The following TLCD3A variants were observed in gnomAD, a reference collection of about 807,000 sequenced individuals.
TLCD3A encodes the protein TLC domain containing 3A, also known as TLC domain-containing protein 3A.
In TLCD3A, 17 loss-of-function variants were observed where a neutral mutation model predicts 29.9. The observed-to-expected ratio is 0.57, with a 90% CI of 0.39 to 0.85. TLCD3A has a LOEUF of 0.85. TLCD3A is among the 40% of genes least tolerant of loss of function. The pLI, the probability that TLCD3A is intolerant of heterozygous loss-of-function variation, is 0.00. For missense variants in TLCD3A, 332 were observed against 350.8 expected (o/e 0.95, Z 0.43); for synonymous variants, 143 against 147.7 (o/e 0.97, Z 0.23).
rs933152320 is a variant in TLCD3A at position 741,553 on chromosome 17, G to C, written c.757G>C (p.Ala253Pro). 10 of 1,613,178 alleles carry C rather than the reference G, an allele frequency of 6.2e-6. No individual in the cohort carries two copies. Among genetic ancestry groups the C allele is most frequent in the Non-Finnish European group, 6.8e-6 (8 of 1,180,022 alleles). The part of the protein sequence containing the change: ...KAVRLFDTPQ[A>P]KKDG ...AGTCCGGCTCTTTGACACTCCCCAA[G>C]CCAAAAAGGATGGCTAAATGCTCCT... The change falls in exon 5 of 5, where the codon GCC becomes CCC. Residue 253 changes from alanine to proline, a missense_variant. Coordinates refer to ENST00000308278, the MANE Select transcript of TLCD3A (RefSeq NM_024792.3).
chr17:732,630 G>A lies in TLCD3A; in HGVS notation c.-18G>A. On this transcript the variant is annotated 5_prime_UTR_variant, in exon 1 of 5. Transcript: ENST00000308278. ...CCAGCCACGCGGCGCCAGCGAGGCG[G>A]CCGGACCCGCAGCCCCGATGCTGCT... is the stretch of plus-strand genomic sequence containing the variant. 3.2e-6 allele frequency: 4 copies of A among 1,248,192 alleles called. No individual in the cohort carries two copies. Among genetic ancestry groups the A allele is most frequent in the Non-Finnish European group, 4.0e-6 (4 of 997,274 alleles). 77.3% of individuals were successfully genotyped at this position (1,248,192 alleles called of 1,614,324 possible).
intron 2 of TLCD3A, among the ~76,000 whole-genome samples, chr17:736,866 G>A (rs1448297113): frequency 6.6e-6 from 1 of 152,034 alleles, no homozygotes; most frequent in East Asian, 1.9e-4. Context: ...ATGTTGATAA[G>A]GCGAGTATCG....
chr17:734,173 TTTCTTCTTC>T (rs202147015), intron 2 of TLCD3A, among the ~76,000 whole-genome samples: 2 of 143,356 alleles, frequency 1.4e-5, no homozygotes, highest in Admixed American at 7.2e-5. Flanking sequence ...GGGTACAATT[TTTCTTCTTC>T]TTCTTCTTCT....
At chr17:738,116 G>GA (rs1974192724) in intron 3 of TLCD3A, 69 bp downstream of exon 3, 1 of 327,200 alleles carries the variant, frequency 3.1e-6, no homozygotes, top group African/African-American at 1.3e-4. Context: ...TTTTTTTTCT[G>GA]AGACAGTCTC....
At chr17:733,469 T>G (rs1454648818) in intron 2 of TLCD3A, among the ~76,000 whole-genome samples, 2 of 152,218 alleles carry the variant, frequency 1.3e-5, no homozygotes, top group African/African-American at 4.8e-5. Context: ...GGAGTGTGGC[T>G]TGATTCTTGC....
chr17:741,466 G>A lies in TLCD3A; in HGVS notation c.670G>A (p.Val224Met), dbSNP rs376444572. The change falls in exon 5 of 5, where the codon GTG becomes ATG. Residue 224 changes from valine to methionine, a missense_variant. Coordinates refer to ENST00000308278, the MANE Select transcript of TLCD3A (RefSeq NM_024792.3). ...CTTCAGCATCCCATTCTACTGCAACGTGGCCAATGCCTTCCTCGTAGCTCC... is the reference window on the plus strand; with the variant it reads ...CTTCAGCATCCCATTCTACTGCAACATGGCCAATGCCTTCCTCGTAGCTCC... ...VPFSIPFYCN[V>M]ANAFLVAPQI... 3.8e-5 allele frequency: 61 copies of A among 1,614,046 alleles called. No homozygotes were observed. The highest frequency in any genetic ancestry group is 2.0e-4 in the African/African-American group (15 of 74,906).
At chr17:732,794 C>G (rs1302560283) in intron 1 of TLCD3A, 25 bp downstream of exon 1, 4 of 1,440,194 alleles carry the variant, frequency 2.8e-6, no homozygotes, top group African/African-American at 3.0e-5. Context: ...GAGACGCCCC[C>G]CGAGGCCCGG....
intron 3 of TLCD3A, among the ~76,000 whole-genome samples, chr17:739,354 A>T (rs549360728): frequency 6.6e-6 from 1 of 152,000 alleles, no homozygotes; most frequent in Non-Finnish European, 1.5e-5. Flanking sequence ...ATGCCTGGCT[A>T]ATTTTTATAT....
At chr17:738,435 GCCCCT>G (rs1314428047) in intron 3 of TLCD3A, among the ~76,000 whole-genome samples, 1 of 151,614 alleles carries the variant, frequency 6.6e-6, no homozygotes, top group Non-Finnish European at 1.5e-5. Flanking sequence ...AGTCGGGATT[GCCCCT>G]CTTTTCTTTG....
intron 2 of TLCD3A, 68 bp downstream of exon 2, chr17:733,249 C>T (rs980752620): frequency 3.3e-5 from 45 of 1,375,982 alleles, no homozygotes; most frequent in Non-Finnish European, 9.7e-6. Flanking sequence ...CTGGCTCTCG[C>T]AGCACACGCG....
rs56729305 is a variant in TLCD3A at position 739,173 on chromosome 17, G to GTT, written c.408+1136_408+1137dup. ...AGTGCCTGGCCAGGGGAAGGCATGC[G>GTT]TTTTTTTTTTTAATTATTCATTTAT... On this transcript the variant is annotated intron_variant, in intron 3 of 4. Transcript: ENST00000308278. Among the ~76,000 whole-genome samples, 29 of 147,092 alleles carry GTT rather than the reference G, an allele frequency of 2.0e-4. No individual in the cohort carries two copies. In the East Asian group the frequency reaches 2.2e-3, roughly 11 times the overall value.
chr17:738,348 G>A (rs554041069), intron 3 of TLCD3A, among the ~76,000 whole-genome samples: 21 of 151,794 alleles, frequency 1.4e-4, no homozygotes, highest in South Asian at 4.2e-4. Context: ...CGCCCGCCTC[G>A]GCCTCCCAAA....
chr17:741,785 T>TC lies in TLCD3A; in HGVS notation c.*217dup. 1.7e-6 allele frequency: 1 copy of TC among 601,618 alleles called. No homozygotes were observed. The highest frequency in any genetic ancestry group is 3.0e-5 in the Admixed American group (1 of 33,316). The allele number at this position is 601,618 out of a possible 1,614,324, so 37.3% of individuals were successfully genotyped here. On this transcript the variant is annotated 3_prime_UTR_variant, in exon 5 of 5. Transcript: ENST00000308278. ...AACAACTATTGGGTCCTGTCAGACC[T>TC]CCACGGACAGCAAAGTGGTTTTAAT... is the stretch of plus-strand genomic sequence containing the variant.
chr17:733,876 C>T (rs1264196156), intron 2 of TLCD3A, among the ~76,000 whole-genome samples: 1 of 152,176 alleles, frequency 6.6e-6, no homozygotes, highest in Non-Finnish European at 1.5e-5. Context: ...TGAAGGACCA[C>T]AGTCGGATGT....
At chr17:733,803 A>G (rs1974114179) in intron 2 of TLCD3A, among the ~76,000 whole-genome samples, 1 of 152,186 alleles carries the variant, frequency 6.6e-6, no homozygotes, top group South Asian at 2.1e-4. Context: ...TGGTGCTTTT[A>G]TTATTTCAAG....
Position 741,305 on chromosome 17 carries a change from A to G in TLCD3A, c.509A>G (p.Lys170Arg). 6.2e-7 allele frequency: 1 copy of G among 1,614,024 alleles called. No individual in the cohort carries two copies. The highest frequency in any genetic ancestry group is 8.5e-7 in the Non-Finnish European group (1 of 1,179,944). ...VSLGRVLIQL[K>R]QQHTLLYKVN... ...TTCCTTCCTCTTCTATTGCAGCTAA[A>G]GCAGCAGCACACCCTTCTGTACAAG... Residue 170 changes from lysine to arginine, a missense_variant, in exon 5 of 5, where the codon AAG (lysine) becomes AGG (arginine). Lys to Arg is a conservative substitution (Grantham distance 26, BLOSUM62 2). Transcript: ENST00000308278.
intron 3 of TLCD3A, among the ~76,000 whole-genome samples, chr17:739,094 C>T (rs1974208367): frequency 1.3e-5 from 2 of 152,120 alleles, no homozygotes; most frequent in Admixed American, 6.5e-5. Flanking sequence ...CCCATAAAAG[C>T]CCACCCAACA....
chr17:733,045 T>G, intron 1 of TLCD3A, 53 bp from the exon 2 acceptor site: 1 of 1,506,920 alleles, frequency 6.6e-7, no homozygotes, highest in Non-Finnish European at 9.0e-7. Flanking sequence ...CCGGGCTCCC[T>G]GCGGTCCTCG....
chr17:734,327 AC>A (rs1809585958), intron 2 of TLCD3A, among the ~76,000 whole-genome samples: 1 of 138,396 alleles, frequency 7.2e-6, no homozygotes. Context: ...CAAATTTTTT[AC>A]TTTTTTTTTT....
Sources: allele counts gnomAD v4.1 joint callset (sites outside exome capture counted in the v4.1 genomes callset), GRCh38; gene constraint gnomAD v4.1.1; transcripts MANE v1.5; gene names NCBI Gene and HGNC (gene_info 2026-07-23, HGNC 2026-07-21).